The following RNF125 variants were observed in gnomAD, a reference collection of about 807,000 sequenced individuals.
RNF125 encodes the protein ring finger protein 125, also known as E3 ubiquitin-protein ligase RNF125.
A neutral mutation model predicts 26.0 loss-of-function variants in RNF125; 21 were observed. That is an observed-to-expected ratio of 0.81 (90% CI 0.57 to 1.16). RNF125 has a LOEUF of 1.16. Among genes scored for constraint, RNF125 ranks in the 50% most tolerant of loss-of-function variants. The probability of loss-of-function intolerance (pLI) is 0.00; values close to 1 mark genes in which losing one functional copy is unlikely to be tolerated. For missense variants in RNF125, 270 were observed against 299.4 expected, an observed-to-expected ratio of 0.90 and a Z score of 0.72; for synonymous variants, 95 against 109.2, an observed-to-expected ratio of 0.87 and a Z score of 0.81.
chr18:32,057,426 C>A (rs2039396338), intron 4 of RNF125, among the ~76,000 whole-genome samples: 2 of 151,706 alleles, frequency 1.3e-5, no homozygotes, highest in South Asian at 4.1e-4. Context: ...CCTCTGCCTC[C>A]CGGGTTTAAG....
the RNF125 span, among the ~76,000 whole-genome samples, chr18:32,088,697 G>A: frequency 3.3e-5 from 5 of 151,950 alleles, no homozygotes; most frequent in Non-Finnish European, 5.9e-5. Flanking sequence ...GACAGGTTTC[G>A]CCATGTTGTC....
chr18:32,051,421 A>G (rs1224137718), intron 4 of RNF125, among the ~76,000 whole-genome samples: 1 of 151,914 alleles, frequency 6.6e-6, no homozygotes, highest in Non-Finnish European at 1.5e-5. Context: ...GTTCGAGACT[A>G]GCCTGGCCAA....
At chr18:32,040,004 T>C (rs1469026075) in intron 2 of RNF125, among the ~76,000 whole-genome samples, 1 of 151,914 alleles carries the variant, frequency 6.6e-6, no homozygotes, top group Non-Finnish European at 1.5e-5. Flanking sequence ...GTCTTGAACT[T>C]CTGACCACAG....
At chr18:32,050,525 G>A (rs2039313459) in intron 4 of RNF125, among the ~76,000 whole-genome samples, 1 of 152,028 alleles carries the variant, frequency 6.6e-6, no homozygotes, top group South Asian at 2.1e-4. Flanking sequence ...TTTTGGTAAA[G>A]ATGAGATCTT....
intron 4 of RNF125, among the ~76,000 whole-genome samples, chr18:32,055,774 A>G (rs980719300): frequency 1.4e-4 from 21 of 152,042 alleles, no homozygotes; most frequent in African/African-American, 5.1e-4. Context: ...TGAGGTGGGT[A>G]GTTTGAGACC....
At chr18:32,045,415 C>A (rs1459703782) in intron 3 of RNF125, among the ~76,000 whole-genome samples, 1 of 150,904 alleles carries the variant, frequency 6.6e-6, no homozygotes, top group Non-Finnish European at 1.5e-5. Context: ...AAAGATTAAC[C>A]TGGTGTGGTG....
At chr18:32,026,454 G>A (rs2039037326) in intron 1 of RNF125, among the ~76,000 whole-genome samples, 1 of 151,882 alleles carries the variant, frequency 6.6e-6, no homozygotes, top group Non-Finnish European at 1.5e-5. Flanking sequence ...TCACCATGTT[G>A]CTCTCAAACT....
the RNF125 span, among the ~76,000 whole-genome samples, chr18:32,081,185 C>A: frequency 1.8e-5 from 2 of 108,756 alleles, no homozygotes; most frequent in Admixed American, 1.3e-4. Flanking sequence ...CAGAGTGAGA[C>A]TACATCTGAA....
intron 5 of RNF125, among the ~76,000 whole-genome samples, chr18:32,067,692 T>TGG (rs1406202875): frequency 6.6e-6 from 1 of 152,214 alleles, no homozygotes; most frequent in African/African-American, 2.4e-5. Context: ...CTTTGGATTT[T>TGG]GTGGGGGTTT....
At chr18:32,066,444 G>A (rs1444496724) in intron 5 of RNF125, among the ~76,000 whole-genome samples, 1 of 150,430 alleles carries the variant, frequency 6.6e-6, no homozygotes, top group African/African-American at 2.5e-5. Context: ...GGGCAACAGA[G>A]TGAGACTTTG....
Position 32,063,949 on chromosome 18 carries a change from G to A in RNF125, c.505-1953G>A, listed in dbSNP as rs145664395. 7.9e-3 allele frequency among the ~76,000 whole-genome samples: 1,206 copies of A among 151,826 alleles called. 21 individuals are homozygous for A. Among genetic ancestry groups the A allele is most frequent in the African/African-American group, 0.028 (1,142 of 41,408 alleles). ...AGCAACGCACTGACATTCCTTTGCA[G>A]TGACAGAATGGTCTGTATCTTTTTT... On this transcript the variant is annotated intron_variant, in intron 4 of 5. Coordinates refer to ENST00000217740, the MANE Select transcript of RNF125 (RefSeq NM_017831.4).
rs11874467 is a variant in RNF125, at chr18:32,071,111, A to G, written c.*2727A>G. The G allele has an allele frequency of 0.028, 4,272 of 152,294 alleles. 187 individuals carry two copies. The highest frequency in any genetic ancestry group is 0.099 in the African/African-American group (4,097 of 41,438). 9.4% of individuals were successfully genotyped at this position (152,294 alleles called of 1,614,324 possible). On this transcript the variant is annotated 3_prime_UTR_variant, in exon 6 of 6. Transcript: ENST00000217740. ...CCCATTTATTCTTAGTTCTTCAACT[A>G]TATATTTAACACTTGCCCCCAGTTT...
chr18:32,029,619 C>CAAA (rs11369600), intron 1 of RNF125, among the ~76,000 whole-genome samples: 34 of 147,014 alleles, frequency 2.3e-4, no homozygotes, highest in African/African-American at 8.5e-4. Flanking sequence ...GACCCTGCCT[C>CAAA]AAAAAAAAAA....
At chr18:32,038,092 A>C (rs184184104) in intron 2 of RNF125, among the ~76,000 whole-genome samples, 1 of 124,674 alleles carries the variant, frequency 8.0e-6, no homozygotes, top group South Asian at 2.5e-4. Context: ...TCTGTCGCCC[A>C]GGCTGCAGTG....
intron 5 of RNF125, 145 bp from the exon 6 acceptor site, chr18:32,068,153 G>A (rs2039500967): frequency 4.0e-6 from 2 of 496,462 alleles, no homozygotes; most frequent in Non-Finnish European, 7.1e-6. Context: ...AAAAGTCCTG[G>A]GTTCTATGAC....
At chr18:32,043,271 C>T (rs556094546) in intron 3 of RNF125, among the ~76,000 whole-genome samples, 1 of 152,340 alleles carries the variant, frequency 6.6e-6, no homozygotes, top group African/African-American at 2.4e-5. Context: ...TCTGTGCTCT[C>T]TAGCAAAGAT....
Position 32,037,195 on chromosome 18 carries a change from G to C in RNF125, c.244G>C (p.Glu82Gln), listed in dbSNP as rs776731278. The change falls in exon 2 of 6, where the codon GAA becomes CAA. Residue 82 changes from glutamate (E) to glutamine (Q), a missense_variant. Coordinates refer to ENST00000217740, the MANE Select transcript of RNF125 (RefSeq NM_017831.4). ...CPYCRAYLPS[E>Q]GVPATDVAKR... The stretch of plus-strand genomic sequence containing the variant: ...TTATTGCCGGGCATATCTTCCTTCA[G>C]AAGGAGTTCCAGCAACTGATGTAGC... 1 of 1,606,034 alleles carries C rather than the reference G, an allele frequency of 6.2e-7. No homozygotes were observed. The highest frequency in any genetic ancestry group is 2.3e-5 in the East Asian group (1 of 44,372).
intron 1 of RNF125, among the ~76,000 whole-genome samples, chr18:32,035,888 C>T (rs1253225711): frequency 1.3e-5 from 2 of 152,156 alleles, no homozygotes; most frequent in African/African-American, 4.8e-5. Flanking sequence ...CACAGTGGCT[C>T]ACGCCTGTAA....
intron 4 of RNF125, among the ~76,000 whole-genome samples, chr18:32,061,328 A>G (rs1271706965): frequency 6.6e-6 from 1 of 152,084 alleles, no homozygotes; most frequent in East Asian, 1.9e-4. Flanking sequence ...CTGGCCTAAA[A>G]TTCCAGGTTT....
Sources: gnomAD v4.1 joint callset for allele counts (sites outside exome capture counted in the v4.1 genomes callset) on GRCh38, gnomAD v4.1.1 for gene constraint, MANE v1.5 for transcripts, NCBI Gene and HGNC (gene_info 2026-07-23, HGNC 2026-07-21) for gene names.